The following PDE10A variants were observed in gnomAD, a reference collection of about 807,000 sequenced individuals.
PDE10A encodes cAMP and cAMP-inhibited cGMP 3',5'-cyclic phosphodiesterase 10A.
A neutral mutation model predicts 97.7 loss-of-function variants in PDE10A; 39 were observed. That is an observed-to-expected ratio of 0.40 (90% CI 0.31 to 0.52). The LOEUF (loss-of-function observed/expected upper bound fraction) is 0.52, where lower values mean the gene tolerates loss of function less well. PDE10A is among the 20% of genes least tolerant of loss of function. PDE10A has a pLI of 0.56. For missense variants in PDE10A, 731 were observed against 1,047.8 expected (o/e 0.70, Z 4.17); for synonymous variants, 371 against 376.8 (o/e 0.98, Z 0.18).
At chr6:165,935,031 T>G (rs943221834) in intron 1 of PDE10A, among the ~76,000 whole-genome samples, 1 of 152,218 alleles carries the variant, frequency 6.6e-6, no homozygotes, top group Non-Finnish European at 1.5e-5. Flanking sequence ...TTACAAAGAA[T>G]GTAGTTATCA....
intron 1 of PDE10A, among the ~76,000 whole-genome samples, chr6:165,636,123 T>C (rs1389836823): frequency 6.6e-6 from 1 of 152,236 alleles, no homozygotes; most frequent in Non-Finnish European, 1.5e-5. Flanking sequence ...TTTACATGGT[T>C]CCCCTCTTGT....
At chr6:165,379,995 A>C (rs1784836507) in intron 17 of PDE10A, among the ~76,000 whole-genome samples, 1 of 152,220 alleles carries the variant, frequency 6.6e-6, no homozygotes, top group Admixed American at 6.5e-5. Context: ...TTCTATTCCC[A>C]AGGGAGGTGG....
intron 1 of PDE10A, among the ~76,000 whole-genome samples, chr6:165,849,822 G>A (rs375302698): frequency 6.6e-6 from 1 of 151,270 alleles, no homozygotes; most frequent in Non-Finnish European, 1.5e-5. Context: ...GGTGTTTTAG[G>A]AAAAAAAAAT....
intron 1 of PDE10A, among the ~76,000 whole-genome samples, chr6:165,777,728 A>G (rs1441429970): frequency 6.6e-6 from 1 of 152,210 alleles, no homozygotes; most frequent in Non-Finnish European, 1.5e-5. Flanking sequence ...GAATATTTAA[A>G]ACATACAAAA....
intron 1 of PDE10A, among the ~76,000 whole-genome samples, chr6:165,904,947 T>G (rs1454064756): frequency 2.0e-5 from 3 of 152,220 alleles, no homozygotes; most frequent in African/African-American, 4.8e-5. Flanking sequence ...TTCTTTGTTC[T>G]TTTAGCTCTT....
chr6:165,653,091 G>C (rs368316982), intron 1 of PDE10A, among the ~76,000 whole-genome samples: 1 of 152,282 alleles, frequency 6.6e-6, no homozygotes, highest in African/African-American at 2.4e-5. Flanking sequence ...GAAGTTTCAA[G>C]TCATGCCAGT....
Position 165,726,120 on chromosome 6 carries a change from G to T in PDE10A, c.-614-182552C>A, listed in dbSNP as rs1209963692. Among the ~76,000 whole-genome samples the T allele has an allele frequency of 3.9e-5, 6 of 152,318 alleles. No homozygotes were observed. In the East Asian group the frequency reaches 1.2e-3, roughly 29 times the overall value. On this transcript the variant is annotated intron_variant, in intron 1 of 19. Transcript: ENST00000366882. The stretch of plus-strand genomic sequence containing the variant: ...CCTGTGCATAGGCAACGCAGGGAAA[G>T]GCAGAGAGTCGAGGAGCTGTGTAGT...
chr6:165,537,103 T>C (rs1482612891), intron 2 of PDE10A, among the ~76,000 whole-genome samples: 1 of 151,842 alleles, frequency 6.6e-6, no homozygotes, highest in African/African-American at 2.4e-5. Flanking sequence ...CGAAATATTA[T>C]TCAGCCATGA....
intron 1 of PDE10A, among the ~76,000 whole-genome samples, chr6:165,566,471 G>A (rs550183270): frequency 1.2e-4 from 18 of 152,304 alleles, no homozygotes; most frequent in Non-Finnish European, 2.1e-4. Context: ...CTGTTTGTGC[G>A]AATGTGAAAT....
intron 10 of PDE10A, among the ~76,000 whole-genome samples, chr6:165,420,006 C>T (rs1037931260): frequency 6.6e-6 from 1 of 152,200 alleles, no homozygotes; most frequent in African/African-American, 2.4e-5. Flanking sequence ...CAAACAAATA[C>T]TGGCTGTGCC....
chr6:165,390,463 C>T (rs1027178872), intron 16 of PDE10A, among the ~76,000 whole-genome samples: 6 of 152,044 alleles, frequency 3.9e-5, no homozygotes, highest in Admixed American at 3.3e-4. Context: ...CTGAGAAGAG[C>T]GGCAGATCGG....
intron 1 of PDE10A, among the ~76,000 whole-genome samples, chr6:165,602,349 G>C (rs931947029): frequency 6.6e-6 from 1 of 152,138 alleles, no homozygotes; most frequent in African/African-American, 2.4e-5. Context: ...GCCCGTGTGA[G>C]TGGACTCTGG....
chr6:165,516,133 C>G (rs1009601385), intron 2 of PDE10A, among the ~76,000 whole-genome samples: 3 of 152,164 alleles, frequency 2.0e-5, no homozygotes, highest in Non-Finnish European at 2.9e-5. Context: ...AAGGCCAGCC[C>G]CTTCACTTAG....
chr6:165,981,800 C>A (rs1785028097), intron 1 of PDE10A, among the ~76,000 whole-genome samples: 1 of 152,144 alleles, frequency 6.6e-6, no homozygotes, highest in Non-Finnish European at 1.5e-5. Flanking sequence ...GAGGGCCATG[C>A]CCATTTTTTA....
At chr6:165,868,767 T>A (rs961849289) in intron 1 of PDE10A, among the ~76,000 whole-genome samples, 10 of 152,020 alleles carry the variant, frequency 6.6e-5, no homozygotes, top group Admixed American at 2.0e-4. Context: ...GCAAAAATCC[T>A]CAACGATGTA....
chr6:165,980,077 T>C (rs1451899735), intron 1 of PDE10A, among the ~76,000 whole-genome samples: 1 of 152,192 alleles, frequency 6.6e-6, no homozygotes, highest in East Asian at 1.9e-4. Flanking sequence ...AGAAAAAAAG[T>C]TGTCTTATGA....
chr6:165,968,308 A>C (rs1365429162), intron 1 of PDE10A, among the ~76,000 whole-genome samples: 2 of 152,242 alleles, frequency 1.3e-5, no homozygotes, highest in African/African-American at 4.8e-5. Context: ...TATTTTACAC[A>C]GTATTGACAT....
At chr6:165,924,830 AG>A (rs1256562079) in intron 1 of PDE10A, among the ~76,000 whole-genome samples, 1 of 152,230 alleles carries the variant, frequency 6.6e-6, no homozygotes, top group East Asian at 1.9e-4. Context: ...AAGTAAGCAT[AG>A]GAGAAGATCT....
At chr6:165,510,513 G>T (rs1293306970) in intron 2 of PDE10A, among the ~76,000 whole-genome samples, 1 of 152,072 alleles carries the variant, frequency 6.6e-6, no homozygotes, top group Non-Finnish European at 1.5e-5. Context: ...CTGTGTCCTT[G>T]TCTGGCTTAG....
Sources: gnomAD v4.1 joint callset for allele counts (sites outside exome capture counted in the v4.1 genomes callset) on GRCh38, gnomAD v4.1.1 for gene constraint, MANE v1.5 for transcripts, NCBI Gene and HGNC (gene_info 2026-07-23, HGNC 2026-07-21) for gene names.